The following AK4 variants were observed in gnomAD, a reference collection of about 807,000 sequenced individuals.
AK4 encodes adenylate kinase 4, mitochondrial.
AK4 carries 13 observed loss-of-function variants against 24.6 expected under a neutral mutation model. That is an observed-to-expected ratio of 0.53 (90% CI 0.34 to 0.84). The LOEUF (loss-of-function observed/expected upper bound fraction) is 0.84. AK4 is among the 40% of genes least tolerant of loss of function. AK4 has a pLI of 0.01. For missense variants in AK4, 192 were observed against 288.2 expected (o/e 0.67, Z 2.42); for synonymous variants, 88 against 107.0 (o/e 0.82, Z 1.10).
At chr1:65,193,708 T>C (rs902531568) in intron 2 of AK4, among the ~76,000 whole-genome samples, 3 of 152,222 alleles carry the variant, frequency 2.0e-5, no homozygotes, top group Non-Finnish European at 4.4e-5. Context: ...CCCATGGGTA[T>C]GAAAAGTCAG....
chr1:65,161,859 TG>T (rs1650177444), intron 1 of AK4, among the ~76,000 whole-genome samples: 1 of 151,896 alleles, frequency 6.6e-6, no homozygotes, highest in Non-Finnish European at 1.5e-5. Flanking sequence ...TGAGGAAGAG[TG>T]GGAAGACTAC....
chr1:65,157,813 G>T (rs1276104638), intron 1 of AK4, among the ~76,000 whole-genome samples: 1 of 151,948 alleles, frequency 6.6e-6, no homozygotes, highest in Admixed American at 6.6e-5. Flanking sequence ...ATTAACTGAG[G>T]CTGCAAGATG....
rs139894204 is a variant in AK4, at chr1:65,196,177, A to C, written c.265+5348A>C. Among the ~76,000 whole-genome samples, 401 of 152,228 alleles carry C rather than the reference A, an allele frequency of 2.6e-3. 1 individual carries two copies. The highest frequency in any genetic ancestry group is 6.8e-3 in the Middle Eastern group (2 of 294). On this transcript the variant is annotated intron_variant, in intron 2 of 4. Transcript: ENST00000327299. ...TACACAGGCACATGCTCTGCGGAGG[A>C]CGTGCCTGTTGAGCGTGCTAAAGGT...
intron 2 of AK4, among the ~76,000 whole-genome samples, chr1:65,196,444 A>G (rs910897774): frequency 3.3e-5 from 5 of 152,196 alleles, no homozygotes; most frequent in African/African-American, 1.2e-4. Flanking sequence ...TGTGCTTTCC[A>G]GTTGGGTAAG....
chr1:65,150,392 A>C (rs771005242), intron 1 of AK4, among the ~76,000 whole-genome samples: 1 of 151,662 alleles, frequency 6.6e-6, no homozygotes, highest in Non-Finnish European at 1.5e-5. Context: ...ATGACTATGA[A>C]ATGTTTAGAT....
intron 2 of AK4, among the ~76,000 whole-genome samples, chr1:65,199,825 A>T (rs1312819638): frequency 6.6e-6 from 1 of 152,218 alleles, no homozygotes; most frequent in Non-Finnish European, 1.5e-5. Context: ...AATCCAAAAA[A>T]ATGCAAAATC....
chr1:65,151,639 G>A (rs1649774711), intron 1 of AK4, among the ~76,000 whole-genome samples: 1 of 152,154 alleles, frequency 6.6e-6, no homozygotes, highest in Admixed American at 6.5e-5. Context: ...ATGTATAAAA[G>A]GAGCTTACCG....
intron 1 of AK4, among the ~76,000 whole-genome samples, chr1:65,176,131 G>A (rs1461671799): frequency 2.6e-5 from 4 of 152,108 alleles, no homozygotes; most frequent in Admixed American, 6.5e-5. Context: ...ATCTGCTGGC[G>A]GAATGAGAAA....
At chr1:65,162,901 A>T (rs1337530240) in intron 1 of AK4, among the ~76,000 whole-genome samples, 1 of 152,006 alleles carries the variant, frequency 6.6e-6, no homozygotes, top group Non-Finnish European at 1.5e-5. Flanking sequence ...AATATATGTG[A>T]CTTTTTGTGT....
intron 2 of AK4, among the ~76,000 whole-genome samples, chr1:65,209,267 C>T (rs910893921): frequency 6.6e-6 from 1 of 152,132 alleles, no homozygotes; most frequent in Non-Finnish European, 1.5e-5. Flanking sequence ...CTTTATTTTA[C>T]GTTAGCTCTT....
At chr1:65,195,582 G>A (rs1343494514) in intron 2 of AK4, among the ~76,000 whole-genome samples, 1 of 152,276 alleles carries the variant, frequency 6.6e-6, no homozygotes, top group African/African-American at 2.4e-5. Context: ...GCATGGACCC[G>A]GGTGCTGCCA....
At chr1:65,159,705 C>T (rs1416544610) in intron 1 of AK4, among the ~76,000 whole-genome samples, 2 of 151,404 alleles carry the variant, frequency 1.3e-5, no homozygotes, top group East Asian at 1.9e-4. Context: ...CGTGGTGGCT[C>T]ATGCCTGTAA....
chr1:65,158,059 C>T (rs554835306), intron 1 of AK4, among the ~76,000 whole-genome samples: 11 of 152,196 alleles, frequency 7.2e-5, no homozygotes, highest in African/African-American at 9.6e-5. Context: ...CATTTTAGTC[C>T]GCATCCATCT....
In AK4 at chr1:65,169,889, G is replaced by GTC. The variant is rs1169136888; in HGVS notation, c.146-20820_146-20819insCT. Among the ~76,000 whole-genome samples the GTC allele has an allele frequency of 2.0e-5, 3 of 152,102 alleles. No homozygotes were observed. The East Asian group carries it at 5.8e-4, about 29-fold the overall frequency. ...TTGGTCATTAGTTGTTCGGTTTTGT[G>GTC]TGTGTGTGTGGCCCCTCACTCACTC... On this transcript the variant is annotated intron_variant, in intron 1 of 4. Coordinates refer to ENST00000327299, the MANE Select transcript of AK4 (RefSeq NM_013410.4).
chr1:65,178,447 A>G (rs1650790609), intron 1 of AK4, among the ~76,000 whole-genome samples: 1 of 152,136 alleles, frequency 6.6e-6, no homozygotes. Context: ...CATAGCCACA[A>G]TGTGTTTACT....
intron 1 of AK4, among the ~76,000 whole-genome samples, chr1:65,167,901 A>G (rs1156749395): frequency 1.3e-5 from 2 of 152,192 alleles, no homozygotes; most frequent in African/African-American, 4.8e-5. Flanking sequence ...TTTTGTTGTC[A>G]CATAAATTAA....
At chr1:65,166,763 C>G (rs1035477876) in intron 1 of AK4, among the ~76,000 whole-genome samples, 6 of 152,212 alleles carry the variant, frequency 3.9e-5, no homozygotes, top group African/African-American at 7.2e-5. Context: ...TCAAGCAGTT[C>G]TCCCACTTTG....
intron 2 of AK4, among the ~76,000 whole-genome samples, chr1:65,212,763 AAGAG>A (rs1167207663): frequency 6.6e-6 from 1 of 152,210 alleles, no homozygotes; most frequent in South Asian, 2.1e-4. Context: ...GTTGCATAGA[AAGAG>A]AGAACACTTT....
At chr1:65,148,923 C>T (rs904808017) in intron 1 of AK4, 2 of 159,786 alleles carry the variant, frequency 1.3e-5, no homozygotes, top group Non-Finnish European at 2.7e-5. Flanking sequence ...TGGCCCCCTC[C>T]CCCGAGTCCC....
Sources: gnomAD v4.1 joint callset for allele counts (sites outside exome capture counted in the v4.1 genomes callset) on GRCh38, gnomAD v4.1.1 for gene constraint, MANE v1.5 for transcripts, NCBI Gene and HGNC (gene_info 2026-07-23, HGNC 2026-07-21) for gene names.